SPIC: variants seen among roughly 807,000 people sequenced by gnomAD.
SPIC encodes Spi-C transcription factor, also known as transcription factor Spi-C.
A neutral mutation model predicts 16.7 loss-of-function variants in SPIC; 9 were observed. The observed-to-expected ratio is 0.54, with a 90% CI of 0.33 to 0.94. The LOEUF (loss-of-function observed/expected upper bound fraction) is 0.94, where lower values mean the gene tolerates loss of function less well. Among genes scored for constraint, SPIC ranks in the 40% least tolerant of loss-of-function variants. The pLI, the probability that SPIC is intolerant of heterozygous loss-of-function variation, is 0.03. For missense variants in SPIC, 241 were observed against 285.8 expected, an observed-to-expected ratio of 0.84 and a Z score of 1.13; for synonymous variants, 97 against 102.9, an observed-to-expected ratio of 0.94 and a Z score of 0.35.
intron 4 of SPIC, among the ~76,000 whole-genome samples, chr12:101,480,192 G>C (rs578004445): frequency 6.6e-6 from 1 of 152,320 alleles, no homozygotes; most frequent in African/African-American, 2.4e-5. Context: ...CTGTTAGGAA[G>C]GAAATAACCC....
chr12:101,478,722 G>T (rs533288174), intron 3 of SPIC, among the ~76,000 whole-genome samples: 1 of 152,278 alleles, frequency 6.6e-6, no homozygotes, highest in South Asian at 2.1e-4. Flanking sequence ...TATTCTACTT[G>T]GAAGAATAAG....
intron 3 of SPIC, 33 bp downstream of exon 3, chr12:101,477,684 T>C: frequency 6.4e-7 from 1 of 1,560,458 alleles, no homozygotes; most frequent in East Asian, 2.2e-5. Flanking sequence ...CTTCTGCTGG[T>C]ACATCAAATG....
intron 5 of SPIC, among the ~76,000 whole-genome samples, chr12:101,484,294 G>A (rs1449669238): frequency 6.6e-6 from 1 of 151,956 alleles, no homozygotes; most frequent in African/African-American, 2.4e-5. Flanking sequence ...AGCACTTTGG[G>A]AGGCCAAGGT....
intron 5 of SPIC, among the ~76,000 whole-genome samples, chr12:101,485,814 C>T (rs1305936944): frequency 1.3e-5 from 2 of 152,148 alleles, no homozygotes; most frequent in East Asian, 1.9e-4. Flanking sequence ...GACAGATTCT[C>T]GCTCTGTTGC....
intron 1 of SPIC, among the ~76,000 whole-genome samples, chr12:101,475,766 CACT>C: frequency 6.6e-6 from 1 of 152,138 alleles, no homozygotes; most frequent in Non-Finnish European, 1.5e-5. Flanking sequence ...AGTGCTTCTG[CACT>C]TTTGAGTCAA....
intron 5 of SPIC, among the ~76,000 whole-genome samples, chr12:101,484,588 A>G (rs1330925101): frequency 1.3e-5 from 2 of 151,410 alleles, no homozygotes; most frequent in African/African-American, 4.8e-5. Context: ...AGATAAATAT[A>G]TAGTTGAGGG....
rs1388113162 is a variant in SPIC, at chr12:101,479,211, AGAAAGAAAGAAG to A, written c.98-359_98-348del. 6.3e-5 allele frequency among the ~76,000 whole-genome samples: 8 copies of A among 127,096 alleles called. 1 individual carries two copies. The highest frequency in any genetic ancestry group is 2.7e-4 in the South Asian group (1 of 3,696). 83.4% of individuals were successfully genotyped at this position (127,096 alleles called of 152,430 possible). ...AAGAAAGAAAGAAAGAAAGAAAGAA[AGAAAGAAAGAAG>A]GAAAGAAAGAAAGAAAGAAAAAGAA... On this transcript the variant is annotated intron_variant, in intron 3 of 5. Coordinates refer to ENST00000551346, the MANE Select transcript of SPIC (RefSeq NM_152323.3).
At chr12:101,485,350 C>T (rs916721898) in intron 5 of SPIC, among the ~76,000 whole-genome samples, 1 of 152,196 alleles carries the variant, frequency 6.6e-6, no homozygotes, top group African/African-American at 2.4e-5. Context: ...ACAAAACCCA[C>T]ACAGATTCTC....
At chr12:101,484,393 G>A (rs149917255) in intron 5 of SPIC, among the ~76,000 whole-genome samples, 1,719 of 151,474 alleles carry the variant, frequency 0.011, 19 homozygotes, top group Non-Finnish European at 0.018. Context: ...AAATTTAGCC[G>A]GGCATGGTGG....
chr12:101,476,626 A>G (rs955753001), intron 1 of SPIC, among the ~76,000 whole-genome samples: 1 of 152,150 alleles, frequency 6.6e-6, no homozygotes, highest in Non-Finnish European at 1.5e-5. Flanking sequence ...TAATATTTAA[A>G]GCATTTTGTA....
Position 101,486,627 on chromosome 12 carries a change from C to G in SPIC, c.603C>G (p.Leu201=). ...YQFSEAILQR[L]SPSYFLGKEI... Reference sequence around the variant, plus strand: ...TCAGTGAGGCCATTCTCCAAAGACTCTCTCCATCCTATTTCCTGGGGAAAG... The same window carrying G: ...TCAGTGAGGCCATTCTCCAAAGACTGTCTCCATCCTATTTCCTGGGGAAAG... The change falls in exon 6 of 6, where the codon CTC becomes CTG. Residue 201 remains leucine, a synonymous_variant. Transcript: ENST00000551346. 1 of 1,613,962 alleles carries G rather than the reference C, an allele frequency of 6.2e-7. No individual in the cohort carries two copies. Among genetic ancestry groups the G allele is most frequent in the South Asian group, 1.1e-5 (1 of 91,070 alleles).
chr12:101,482,662 C>T, intron 4 of SPIC, 130 bp from the exon 5 acceptor site: 1 of 777,340 alleles, frequency 1.3e-6, no homozygotes, highest in Non-Finnish European at 2.1e-6. Context: ...TATCTGGCTG[C>T]AGTTGGGGGT....
chr12:101,483,051 A>C, intron 5 of SPIC, 151 bp downstream of exon 5: 1 of 621,456 alleles, frequency 1.6e-6, no homozygotes, highest in Non-Finnish European at 2.8e-6. Flanking sequence ...TTCTTGAAAC[A>C]GTCCAAGCCA....
chr12:101,481,541 C>T (rs1480348689), intron 4 of SPIC, among the ~76,000 whole-genome samples: 1 of 148,548 alleles, frequency 6.7e-6, no homozygotes. Flanking sequence ...TAGAGTTTCA[C>T]TGTTGTCACC....
chr12:101,483,433 C>T (rs1233191034), intron 5 of SPIC, among the ~76,000 whole-genome samples: 1 of 151,962 alleles, frequency 6.6e-6, no homozygotes, highest in East Asian at 1.9e-4. Flanking sequence ...GTTGAAGAAC[C>T]TGCCTGAGGC....
intron 4 of SPIC, among the ~76,000 whole-genome samples, chr12:101,481,191 C>A (rs1873184963): frequency 1.2e-5 from 1 of 82,834 alleles, no homozygotes. Flanking sequence ...CCTTGGCTGT[C>A]ATCTTTTTTT....
rs186691614 is a variant in SPIC at position 101,479,222 on chromosome 12, A to C, written c.98-360A>C. Among the ~76,000 whole-genome samples, 714 of 97,216 alleles carry C rather than the reference A, an allele frequency of 7.3e-3. 22 individuals are homozygous for C. The highest frequency in any genetic ancestry group is 0.012 in the Non-Finnish European group (541 of 44,588). 63.8% of individuals were successfully genotyped at this position (97,216 alleles called of 152,430 possible). On this transcript the variant is annotated intron_variant, in intron 3 of 5. Coordinates refer to ENST00000551346, the MANE Select transcript of SPIC (RefSeq NM_152323.3). ...AAAGAAAGAAAGAAAGAAAGAAAGA[A>C]GGAAAGAAAGAAAGAAAGAAAAAGA...
intron 4 of SPIC, 137 bp from the exon 5 acceptor site, chr12:101,482,655 C>T (rs924561941): frequency 2.7e-6 from 2 of 735,990 alleles, no homozygotes; most frequent in Admixed American, 2.4e-5. Flanking sequence ...TGGGAGCTAT[C>T]TGGCTGCAGT....
Position 101,486,553 on chromosome 12 carries a change from G to T in SPIC, c.529G>T (p.Gly177Ter). 1 of 1,614,130 alleles carries T rather than the reference G, an allele frequency of 6.2e-7. No individual in the cohort carries two copies. Among genetic ancestry groups the T allele is most frequent in the South Asian group, 1.1e-5 (1 of 91,080 alleles). ...AATGGCCAGGGCACTCAGAAATTACGGAAGAAGTGGGGAAATTACCAAAAT... is the reference window on the plus strand; with the variant it reads ...AATGGCCAGGGCACTCAGAAATTACTGAAGAAGTGGGGAAATTACCAAAAT... Reference protein sequence around the residue: ...QKMARALRNYGRSGEITKIRR... With the variant: ...QKMARALRNY Residue 177 changes from glycine to a stop codon, truncating the protein, a stop_gained, in exon 6 of 6, where the codon GGA becomes TGA. Coordinates refer to ENST00000551346, the MANE Select transcript of SPIC (RefSeq NM_152323.3). LOFTEE classifies it low-confidence loss of function (END_TRUNC).
Sources: allele counts gnomAD v4.1 joint callset (sites outside exome capture counted in the v4.1 genomes callset), GRCh38; gene constraint gnomAD v4.1.1; transcripts MANE v1.5; gene names NCBI Gene and HGNC (gene_info 2026-07-23, HGNC 2026-07-21).